The following ZBTB20 variants were observed in gnomAD, a reference collection of about 807,000 sequenced individuals.
ZBTB20 encodes the protein zinc finger and BTB domain-containing protein 20.
ZBTB20 carries 9 observed loss-of-function variants against 56.9 expected under a neutral mutation model. The observed-to-expected ratio is 0.16, with a 90% CI of 0.10 to 0.28. ZBTB20 has a LOEUF of 0.28. Among genes scored for constraint, ZBTB20 ranks in the 10% least tolerant of loss-of-function variants. The pLI is 1.00. For synonymous variants in ZBTB20, 417 were observed against 420.7 expected, an observed-to-expected ratio of 0.99 and a Z score of 0.11; for missense variants, 655 against 1,003.0, an observed-to-expected ratio of 0.65 and a Z score of 4.69.
chr3:114,423,653 T>G (rs1003018950), intron 7 of ZBTB20, among the ~76,000 whole-genome samples: 5 of 152,332 alleles, frequency 3.3e-5, no homozygotes, highest in South Asian at 4.1e-4. Context: ...AGGGATTGAG[T>G]TGAGTTATAA....
chr3:114,696,645 CCAGT>C (rs1560138734), intron 5 of ZBTB20, among the ~76,000 whole-genome samples: 1 of 151,962 alleles, frequency 6.6e-6, no homozygotes, highest in African/African-American at 2.4e-5. Context: ...CCAGAGGACA[CCAGT>C]CAGTTAAGCA....
At chr3:114,538,524 T>A (rs1203608152) in intron 6 of ZBTB20, among the ~76,000 whole-genome samples, 1 of 152,182 alleles carries the variant, frequency 6.6e-6, no homozygotes, top group Non-Finnish European at 1.5e-5. Context: ...TGTGTTCCCA[T>A]CCATGGAAAT....
chr3:114,803,505 G>A (rs559551439), intron 4 of ZBTB20, among the ~76,000 whole-genome samples: 8 of 151,802 alleles, frequency 5.3e-5, no homozygotes, highest in South Asian at 2.1e-4. Context: ...AAATATAGTC[G>A]CCAACTCACT....
chr3:115,136,950 G>A (rs968350399), intron 1 of ZBTB20, among the ~76,000 whole-genome samples: 2 of 152,058 alleles, frequency 1.3e-5, no homozygotes, highest in African/African-American at 2.4e-5. Context: ...AAGAACACTA[G>A]GTCCCACAGG....
At chr3:114,523,269 T>A (rs900381572) in intron 6 of ZBTB20, among the ~76,000 whole-genome samples, 1 of 152,186 alleles carries the variant, frequency 6.6e-6, no homozygotes, top group South Asian at 2.1e-4. Context: ...ATGGAAGTCA[T>A]TGGTGACCTT....
chr3:114,441,564 C>T (rs1205188952), intron 7 of ZBTB20, among the ~76,000 whole-genome samples: 1 of 152,058 alleles, frequency 6.6e-6, no homozygotes, highest in African/African-American at 2.4e-5. Flanking sequence ...CCATCAAGCA[C>T]CTCATCTGCA....
chr3:114,593,384 C>CTTT (rs201568736), intron 6 of ZBTB20, among the ~76,000 whole-genome samples: 2 of 133,498 alleles, frequency 1.5e-5, no homozygotes, highest in African/African-American at 2.8e-5. Context: ...TTTTTCTTTT[C>CTTT]TTTTTTTTTT....
At chr3:114,752,436 A>G (rs2067638894) in intron 5 of ZBTB20, among the ~76,000 whole-genome samples, 1 of 152,190 alleles carries the variant, frequency 6.6e-6, no homozygotes, top group Non-Finnish European at 1.5e-5. Flanking sequence ...GCCAATTAAA[A>G]TGCTCCCTTC....
intron 4 of ZBTB20, among the ~76,000 whole-genome samples, chr3:114,813,695 G>C (rs1179790496): frequency 1.3e-5 from 2 of 152,194 alleles, no homozygotes; most frequent in Non-Finnish European, 2.9e-5. Context: ...AGGTTGCAGT[G>C]AGTCAAGATG....
intron 2 of ZBTB20, among the ~76,000 whole-genome samples, chr3:115,048,189 C>A (rs2081406826): frequency 6.6e-6 from 1 of 152,114 alleles, no homozygotes; most frequent in African/African-American, 2.4e-5. Context: ...CGCGCCACTG[C>A]ACTCCAGCCT....
At chr3:114,507,379 T>C (rs1010229573) in intron 6 of ZBTB20, among the ~76,000 whole-genome samples, 1 of 152,208 alleles carries the variant, frequency 6.6e-6, no homozygotes, top group East Asian at 1.9e-4. Context: ...GAAAGAGCTA[T>C]AGAAACAAAA....
intron 5 of ZBTB20, among the ~76,000 whole-genome samples, chr3:114,748,501 CAAAT>C (rs2067297340): frequency 6.6e-6 from 1 of 151,706 alleles, no homozygotes; most frequent in South Asian, 2.1e-4. Context: ...GGTTCTGACA[CAAAT>C]AAAGTAAAAG....
chr3:114,680,928 G>A (rs1385698775), intron 6 of ZBTB20, among the ~76,000 whole-genome samples: 1 of 151,976 alleles, frequency 6.6e-6, no homozygotes, highest in Non-Finnish European at 1.5e-5. Flanking sequence ...GAGTGCCTGT[G>A]GTAATGGTAA....
chr3:114,791,782 C>G (rs1184908888), intron 5 of ZBTB20: 1 of 151,920 alleles, frequency 6.6e-6, no homozygotes, highest in Non-Finnish European at 1.5e-5. Flanking sequence ...TCCAGTAACT[C>G]TCTTGTCTGA....
intron 6 of ZBTB20, among the ~76,000 whole-genome samples, chr3:114,613,171 C>T (rs926517570): frequency 3.3e-5 from 5 of 152,110 alleles, no homozygotes; most frequent in African/African-American, 1.2e-4. Flanking sequence ...GGTGGGCCTA[C>T]TGTATGGACT....
chr3:114,860,301 G>A (rs567881833), intron 4 of ZBTB20, among the ~76,000 whole-genome samples: 6,471 of 41,328 alleles, frequency 0.16, 166 homozygotes, highest in Middle Eastern at 0.25. Context: ...GCAAGACTCC[G>A]TCTCAAAAAA....
intron 6 of ZBTB20, among the ~76,000 whole-genome samples, chr3:114,594,874 C>T (rs888595363): frequency 1.1e-4 from 16 of 152,142 alleles, no homozygotes; most frequent in South Asian, 2.1e-4. Flanking sequence ...ACCACAAAAA[C>T]GGATCTAACT....
chr3:115,030,718 C>T (rs1218929113), intron 2 of ZBTB20, among the ~76,000 whole-genome samples: 1 of 151,236 alleles, frequency 6.6e-6, no homozygotes, highest in Non-Finnish European at 1.5e-5. Context: ...CAGGGTACAG[C>T]TCAATGAGTC....
chr3:115,046,200 C>T (rs2081327041), intron 2 of ZBTB20, among the ~76,000 whole-genome samples: 1 of 152,102 alleles, frequency 6.6e-6, no homozygotes, highest in Admixed American at 6.6e-5. Flanking sequence ...CTGAAGACTA[C>T]CTTCAATATG....
Sources: allele counts gnomAD v4.1 joint callset (sites outside exome capture counted in the v4.1 genomes callset), GRCh38; gene constraint gnomAD v4.1.1; transcripts MANE v1.5; gene names NCBI Gene and HGNC (gene_info 2026-07-23, HGNC 2026-07-21).